Variants in SLC13A4 observed in about 807,000 individuals in gnomAD.
The protein encoded by SLC13A4 is Na(+)/sulfate cotransporter SUT-1.
In SLC13A4, 28 loss-of-function variants were observed where a neutral mutation model predicts 72.7. The observed-to-expected ratio is 0.39, with a 90% CI of 0.29 to 0.53. SLC13A4 has a LOEUF of 0.53. Ranked by LOEUF, SLC13A4 falls within the 20% of genes least tolerant of loss-of-function variation. SLC13A4 has a pLI of 0.78. For missense variants in SLC13A4, 653 were observed against 788.0 expected, an observed-to-expected ratio of 0.83 and a Z score of 2.05; for synonymous variants, 312 against 325.5, an observed-to-expected ratio of 0.96 and a Z score of 0.45.
At chr7:135,703,439 T>C (rs1286924315) in intron 5 of SLC13A4, 2 of 154,876 alleles carry the variant, frequency 1.3e-5, no homozygotes, top group East Asian at 1.9e-4. Context: ...ACTTGTGATA[T>C]GCGTATCGGA....
chr7:135,688,014 C>T (rs562626984), intron 13 of SLC13A4, among the ~76,000 whole-genome samples: 37 of 150,660 alleles, frequency 2.5e-4, no homozygotes, highest in African/African-American at 8.8e-4. Context: ...CTCACTCTGT[C>T]GCCCAGGCTG....
At chr7:135,708,463 T>C (rs1051709872) in intron 2 of SLC13A4, among the ~76,000 whole-genome samples, 15 of 152,234 alleles carry the variant, frequency 9.9e-5, no homozygotes, top group Admixed American at 8.5e-4. Context: ...TGCTAAGTAC[T>C]TGACAGATTA....
At chr7:135,707,187 G>A (rs915209091) in intron 3 of SLC13A4, among the ~76,000 whole-genome samples, 4 of 152,112 alleles carry the variant, frequency 2.6e-5, no homozygotes, top group Non-Finnish European at 5.9e-5. Flanking sequence ...AGGGAGGAGT[G>A]GAAATGTGAG....
chr7:135,683,484 C>CA, intron 15 of SLC13A4: 1 of 978,484 alleles, frequency 1.0e-6, no homozygotes, highest in Non-Finnish European at 1.2e-6. Context: ...TCCTCTCCCC[C>CA]CCCGCTCAGC....
Position 135,691,738 on chromosome 7 carries a change from C to T in SLC13A4, c.1224-93G>A. 4 of 782,842 alleles carry T rather than the reference C, an allele frequency of 5.1e-6. No individual in the cohort carries two copies. The South Asian group carries it at 6.6e-5, about 13-fold the overall frequency. The allele number at this position is 782,842 out of a possible 1,614,324, so 48.5% of individuals were successfully genotyped here. A position where few individuals can be genotyped will look rare whatever the true frequency, so the allele number is the denominator to read the frequency against. ...AGCAGTCTGTCCGAACACAGTGCCTCTTTTTAGGACTTATCTAGAGGTAAC... is the reference window on the plus strand; with the variant it reads ...AGCAGTCTGTCCGAACACAGTGCCTTTTTTTAGGACTTATCTAGAGGTAAC... On this transcript the variant is annotated intron_variant, in intron 11 of 15. Coordinates refer to ENST00000682651, the MANE Select transcript of SLC13A4 (RefSeq NM_001318192.2).
At position 135,685,548 on chromosome 7, in the gene SLC13A4, T is replaced by C. The variant is rs751705299; in HGVS notation, c.1582A>G (p.Ile528Val). ...EFVSNPATIT[I>V]FLPILCSLSE... ...AGGCTGCACAGGATGGGCAGGAAGATGGTGATGGTTGCTGGGTTGCTCACA... is the reference window on the plus strand; with the variant it reads ...AGGCTGCACAGGATGGGCAGGAAGACGGTGATGGTTGCTGGGTTGCTCACA... The change falls in exon 14 of 16, where the codon ATC becomes GTC. Residue 528 changes from isoleucine (I) to valine (V), a missense_variant. Transcript: ENST00000682651. 1.5e-5 allele frequency: 25 copies of C among 1,613,940 alleles called. No homozygotes were observed. The highest frequency in any genetic ancestry group is 3.3e-5 in the Admixed American group (2 of 59,994).
In SLC13A4 at chr7:135,727,942, T is replaced by G. The variant is rs1331333844; in HGVS notation, c.-446A>C. The G allele has an allele frequency of 6.5e-6, 1 of 153,776 alleles. No individual in the cohort carries two copies. Among genetic ancestry groups the G allele is most frequent in the East Asian group, 1.9e-4 (1 of 5,284 alleles). The allele number at this position is 153,776 out of a possible 1,614,324, so 9.5% of individuals were successfully genotyped here. Reference sequence around the variant, plus strand: ...AGAGCACATTGTGCTCTCCATCAGTTTTCCTCCCTCGGATGACCTATTTTG... The same window carrying G: ...AGAGCACATTGTGCTCTCCATCAGTGTTCCTCCCTCGGATGACCTATTTTG... On this transcript the variant is annotated 5_prime_UTR_variant, in exon 1 of 16. Coordinates refer to ENST00000682651, the MANE Select transcript of SLC13A4 (RefSeq NM_001318192.2).
chr7:135,699,655 T>A, intron 7 of SLC13A4, 107 bp from the exon 8 acceptor site: 1 of 919,348 alleles, frequency 1.1e-6, no homozygotes, highest in Non-Finnish European at 1.6e-6. Flanking sequence ...TGAGCTTGGG[T>A]GTCAGAAAGA....
chr7:135,702,466 C>T (rs1796060174), intron 6 of SLC13A4: 1 of 213,546 alleles, frequency 4.7e-6, no homozygotes, highest in Non-Finnish European at 9.5e-6. Flanking sequence ...ACCTCTGCCT[C>T]CCAGGTTCAA....
chr7:135,691,430 G>T (rs1400124272), intron 12 of SLC13A4, 105 bp from the exon 13 acceptor site: 7 of 956,606 alleles, frequency 7.3e-6, no homozygotes, highest in Non-Finnish European at 4.6e-6. Flanking sequence ...TGCTATTTGG[G>T]GCGGGGGCCG....
chr7:135,726,953 C>A (rs990425773), intron 1 of SLC13A4, among the ~76,000 whole-genome samples: 1 of 152,234 alleles, frequency 6.6e-6, no homozygotes, highest in African/African-American at 2.4e-5. Context: ...GGTTCTCTTC[C>A]TCCCCCAACC....
At chr7:135,712,460 C>CT (rs1796325065) in intron 2 of SLC13A4, among the ~76,000 whole-genome samples, 1 of 68,214 alleles carries the variant, frequency 1.5e-5, no homozygotes, top group South Asian at 5.3e-4. Flanking sequence ...ATTTTCTCAT[C>CT]TAAAAAAAAA....
chr7:135,703,132 C>T (rs968907044), intron 5 of SLC13A4: 1 of 540,182 alleles, frequency 1.9e-6, no homozygotes, highest in African/African-American at 1.9e-5. Flanking sequence ...TAACAATCGT[C>T]CTAACAGCAG....
chr7:135,702,039 A>G (rs1137840), intron 6 of SLC13A4: 17,523 of 312,926 alleles, frequency 0.056, 625 homozygotes, highest in South Asian at 0.079. Context: ...TTAGCTAATG[A>G]AGAACCCTTT....
chr7:135,716,472 T>A (rs1324893934), intron 2 of SLC13A4, among the ~76,000 whole-genome samples: 3 of 152,146 alleles, frequency 2.0e-5, no homozygotes, highest in Non-Finnish European at 4.4e-5. Context: ...ACCCTGCTAA[T>A]TTTTTATTCT....
At chr7:135,720,575 C>A (rs1272311325) in intron 2 of SLC13A4, among the ~76,000 whole-genome samples, 36 of 132,738 alleles carry the variant, frequency 2.7e-4, no homozygotes, top group East Asian at 9.0e-4. Flanking sequence ...AAAAAAAAAA[C>A]CAAAAACAAA....
chr7:135,721,995 C>A (rs1395747222), intron 1 of SLC13A4, among the ~76,000 whole-genome samples: 1 of 152,130 alleles, frequency 6.6e-6, no homozygotes, highest in African/African-American at 2.4e-5. Context: ...AATCCCAGGA[C>A]TTTGGGAGGC....
intron 7 of SLC13A4, among the ~76,000 whole-genome samples, chr7:135,700,357 C>T (rs1346476482): frequency 2.0e-5 from 3 of 152,272 alleles, no homozygotes; most frequent in East Asian, 1.9e-4. Context: ...CACACCTGGC[C>T]ACCTTCACTG....
At chr7:135,725,959 ACT>A (rs1361319819) in intron 1 of SLC13A4, among the ~76,000 whole-genome samples, 4 of 152,014 alleles carry the variant, frequency 2.6e-5, no homozygotes, top group Admixed American at 6.5e-5. Context: ...ACAGAGTGAG[ACT>A]CTGCGTCTAC....
Sources: gnomAD v4.1 joint callset for allele counts (sites outside exome capture counted in the v4.1 genomes callset) on GRCh38, gnomAD v4.1.1 for gene constraint, MANE v1.5 for transcripts, NCBI Gene and HGNC (gene_info 2026-07-23, HGNC 2026-07-21) for gene names.